ZNF536: variants seen among roughly 807,000 people sequenced by gnomAD.
ZNF536 encodes zinc finger protein 536.
In ZNF536, 13 loss-of-function variants were observed where a neutral mutation model predicts 84.5. The observed-to-expected ratio is 0.15, with a 90% CI of 0.10 to 0.24. The LOEUF is 0.24. Ranked by LOEUF, ZNF536 falls within the 10% of genes least tolerant of loss-of-function variation. ZNF536 has a pLI of 1.00. For synonymous variants in ZNF536, 811 were observed against 742.5 expected, an observed-to-expected ratio of 1.09 and a Z score of -1.50; for missense variants, 1,536 against 1,747.5, an observed-to-expected ratio of 0.88 and a Z score of 2.16.
intron 1 of ZNF536, among the ~76,000 whole-genome samples, chr19:30,404,734 C>T (rs8111314): frequency 5.3e-5 from 8 of 151,296 alleles, no homozygotes; most frequent in Non-Finnish European, 1.0e-4. Context: ...TGTCCGGAGG[C>T]GGGGGGGCTC....
At chr19:30,465,935 A>G (rs1399783533) in intron 2 of ZNF536, among the ~76,000 whole-genome samples, 1 of 152,012 alleles carries the variant, frequency 6.6e-6, no homozygotes, top group Non-Finnish European at 1.5e-5. Context: ...TATTTTTATT[A>G]GAGATGGGGT....
chr19:30,281,197 C>T (rs1400933854), intron 1 of ZNF536, among the ~76,000 whole-genome samples: 1 of 152,152 alleles, frequency 6.6e-6, no homozygotes, highest in Admixed American at 6.5e-5. Context: ...TTGGAAGTAC[C>T]TCTGGCTCTA....
chr19:30,594,619 C>A (rs563248346), intron 1 of ZNF536, among the ~76,000 whole-genome samples: 15 of 152,268 alleles, frequency 9.9e-5, no homozygotes, highest in Admixed American at 2.6e-4. Context: ...GCAGGACACC[C>A]CCGTGGAGCC....
chr19:30,271,178 C>T (rs772519830), intron 1 of ZNF536, among the ~76,000 whole-genome samples: 2 of 152,082 alleles, frequency 1.3e-5, no homozygotes, highest in East Asian at 1.9e-4. Flanking sequence ...GCTCAATATG[C>T]CAGGAGAGGA....
chr19:30,344,537 C>G (rs563300423), intron 2 of ZNF536, among the ~76,000 whole-genome samples: 1 of 151,590 alleles, frequency 6.6e-6, no homozygotes, highest in East Asian at 1.9e-4. Context: ...TTCCCTTCTC[C>G]GAGTCAGCAC....
chr19:30,310,801 G>A (rs952266758), intron 2 of ZNF536, among the ~76,000 whole-genome samples: 2 of 152,164 alleles, frequency 1.3e-5, no homozygotes, highest in African/African-American at 4.8e-5. Flanking sequence ...GACAATTAAC[G>A]CCGAGCACTT....
At chr19:30,407,865 AG>A (rs1363187604) in intron 1 of ZNF536, among the ~76,000 whole-genome samples, 3 of 152,182 alleles carry the variant, frequency 2.0e-5, no homozygotes, top group Non-Finnish European at 4.4e-5. Context: ...GTGGAAATAC[AG>A]ATGGTTTCCA....
chr19:30,458,324 T>G (rs559101376), intron 2 of ZNF536, among the ~76,000 whole-genome samples: 8 of 152,236 alleles, frequency 5.3e-5, no homozygotes, highest in Non-Finnish European at 1.2e-4. Context: ...TCCCCCACCT[T>G]TCTCTCCTCT....
chr19:30,250,713 T>G (rs934500125), intron 1 of ZNF536, among the ~76,000 whole-genome samples: 1 of 152,102 alleles, frequency 6.6e-6, no homozygotes, highest in African/African-American at 2.4e-5. Context: ...CCCTAAACAC[T>G]AAGACAACTA....
chr19:30,585,982 A>G (rs2047080840), intron 1 of ZNF536, among the ~76,000 whole-genome samples: 1 of 152,190 alleles, frequency 6.6e-6, no homozygotes, highest in Admixed American at 6.5e-5. Flanking sequence ...CACTGAGCTC[A>G]TACGTATCAG....
In ZNF536 at chr19:30,273,526, T is replaced by C. The variant is rs145388765; in HGVS notation, c.-189-10546T>C. On this transcript the variant is annotated intron_variant, in intron 1 of 5. Coordinates refer to the ZNF536 transcript ENST00000585628. ...TCTTTTCATATGCTTATTTTCTGTC[T>C]GTATATCTTCTTTGGGGACGTACCT... Among the ~76,000 whole-genome samples the C allele has an allele frequency of 1.9e-3, 296 of 152,384 alleles. 2 individuals are homozygous for C. The highest frequency in any genetic ancestry group is 3.4e-3 in the Non-Finnish European group (232 of 68,038).
In ZNF536 at chr19:30,238,431, CCACACACACA is replaced by C. The variant is rs57536360; in HGVS notation, c.-190+9777_-190+9786del. On this transcript the variant is annotated intron_variant, in intron 1 of 5. Transcript: ENST00000585628. ...CAAATGTTAGTACCATGTATCTAGG[CCACACACACA>C]CACACACACACACACACAATCACAC... Among the ~76,000 whole-genome samples the C allele has an allele frequency of 7.3e-3, 1,098 of 150,308 alleles. 11 individuals are homozygous for C. The highest frequency in any genetic ancestry group is 0.026 in the African/African-American group (1,060 of 40,966).
intron 2 of ZNF536, among the ~76,000 whole-genome samples, chr19:30,461,030 G>A (rs536725749): frequency 1.6e-4 from 25 of 152,302 alleles, no homozygotes; most frequent in South Asian, 6.2e-4. Flanking sequence ...GGGTCAGGCC[G>A]TGTGGGCGCG....
At position 30,678,740 on chromosome 19, in the gene ZNF536, C is replaced by G. The variant is rs532424587; in HGVS notation, c.170-32017C>G. Among the ~76,000 whole-genome samples the G allele has an allele frequency of 8.0e-4, 121 of 150,440 alleles. 1 individual carries two copies. Among genetic ancestry groups the G allele is most frequent in the African/African-American group, 2.7e-3 (112 of 40,826 alleles). ...CTTGGTACCCACCCCCAAGCCCCCC[C>G]ACACACACCTATACCCTTACTGTTT... On this transcript the variant is annotated intron_variant, in intron 1 of 1. Coordinates refer to the ZNF536 transcript ENST00000592773.
chr19:30,706,298 C>G (rs985917813), intron 1 of ZNF536, among the ~76,000 whole-genome samples: 6 of 152,080 alleles, frequency 3.9e-5, no homozygotes, highest in African/African-American at 1.4e-4. Context: ...TCCTGGCTAA[C>G]ACGGTGAAAC....
chr19:30,278,744 ACTGCTCT>A (rs2045331038), intron 1 of ZNF536, among the ~76,000 whole-genome samples: 1 of 151,990 alleles, frequency 6.6e-6, no homozygotes, highest in African/African-American at 2.4e-5. Context: ...TTCCCCTGCC[ACTGCTCT>A]CTCTCCAGCT....
intron 1 of ZNF536, among the ~76,000 whole-genome samples, chr19:30,576,303 G>C (rs772162919): frequency 1.3e-5 from 2 of 152,076 alleles, no homozygotes; most frequent in African/African-American, 4.8e-5. Context: ...TGTCAGTGAC[G>C]ATGCAGATAG....
At position 30,420,594 on chromosome 19, in the gene ZNF536, C is replaced by T. The variant is rs117252738; in HGVS notation, c.-2-22967C>T. 8.0e-3 allele frequency among the ~76,000 whole-genome samples: 1,222 copies of T among 152,160 alleles called. 10 individuals carry two copies. The highest frequency in any genetic ancestry group is 0.024 in the Middle Eastern group (7 of 294). On this transcript the variant is annotated intron_variant, in intron 1 of 4. Transcript: ENST00000355537. The stretch of plus-strand genomic sequence containing the variant: ...CGGCTGCCGCGCAGATAATCTCTAG[C>T]GTCAGAAGCATCAGCTCAGGCAATA...
chr19:30,675,943 G>A (rs547505925), intron 1 of ZNF536, among the ~76,000 whole-genome samples: 1 of 152,112 alleles, frequency 6.6e-6, no homozygotes, highest in Admixed American at 6.5e-5. Flanking sequence ...CTGCAGCCTC[G>A]ACCTCCTAGG....
Sources: allele counts gnomAD v4.1 joint callset (sites outside exome capture counted in the v4.1 genomes callset), GRCh38; gene constraint gnomAD v4.1.1; transcripts MANE v1.5; gene names NCBI Gene and HGNC (gene_info 2026-07-23, HGNC 2026-07-21).